Variants in MAP4K5 observed in about 807,000 individuals in gnomAD.
MAP4K5 encodes the protein mitogen-activated protein kinase kinase kinase kinase 5.
In MAP4K5, 82 loss-of-function variants were observed where a neutral mutation model predicts 135.6. The observed-to-expected ratio is 0.60, with a 90% CI of 0.51 to 0.73. The LOEUF is 0.73. MAP4K5 is among the 30% of genes least tolerant of loss of function. MAP4K5 has a pLI of 0.00. For missense variants in MAP4K5, 907 were observed against 1,010.9 expected, an observed-to-expected ratio of 0.90 and a Z score of 1.39; for synonymous variants, 347 against 335.0, an observed-to-expected ratio of 1.04 and a Z score of -0.39.
chr14:50,540,028 A>G (rs1214930358), intron 2 of MAP4K5, among the ~76,000 whole-genome samples: 2 of 152,112 alleles, frequency 1.3e-5, no homozygotes, highest in Non-Finnish European at 2.9e-5. Context: ...GAGGGAGAAC[A>G]GATATCCTCG....
intron 9 of MAP4K5, among the ~76,000 whole-genome samples, chr14:50,470,249 A>G (rs1006239589): frequency 6.6e-6 from 1 of 152,174 alleles, no homozygotes; most frequent in African/African-American, 2.4e-5. Context: ...CCATAGGTAT[A>G]GAAAGGTAGA....
chr14:50,445,155 C>T lies in MAP4K5; in HGVS notation c.1225G>A (p.Glu409Lys), dbSNP rs752935032. The change falls in exon 18 of 33, where the codon GAA becomes AAA. Residue 409 changes from glutamate to lysine, a missense_variant. Physicochemically the swap from Glu to Lys is moderately conservative, Grantham distance 56. Around this residue, in one of 3 missense-constraint regions of MAP4K5, gnomAD observed 690 missense variants for 777.4 expected, o/e 0.89. Coordinates refer to ENST00000682126, the MANE Select transcript of MAP4K5 (RefSeq NM_006575.6). ...SSYPEDNFPD[E>K]EKASTIKHCP... ...TGTTTTATGGTTGATGCTTTTTCTT[C>T]ATCCGGAAAGTTGTCTTCAGGGTAA... 68 of 1,613,370 alleles carry T rather than the reference C, an allele frequency of 4.2e-5. No individual in the cohort carries two copies. The highest frequency in any genetic ancestry group is 5.8e-5 in the Non-Finnish European group (68 of 1,179,620).
At chr14:50,451,258 GA>G (rs373881312) in intron 14 of MAP4K5, among the ~76,000 whole-genome samples, 68 of 146,828 alleles carry the variant, frequency 4.6e-4, no homozygotes, top group South Asian at 3.5e-3. Context: ...GTACAGTGAA[GA>G]AAAAAAAAAA....
Position 50,445,140 on chromosome 14 carries a change from T to C in MAP4K5, c.1240A>G (p.Thr414Ala). 2 of 1,613,654 alleles carry C rather than the reference T, an allele frequency of 1.2e-6. No homozygotes were observed. Among genetic ancestry groups the C allele is most frequent in the Non-Finnish European group, 1.7e-6 (2 of 1,179,698 alleles). Reference protein sequence around the residue: ...DNFPDEEKASTIKHCPDSESR... With the variant: ...DNFPDEEKASAIKHCPDSESR... ...TCTGAATCAGGACAATGTTTTATGG[T>C]TGATGCTTTTTCTTCATCCGGAAAG... Residue 414 changes from threonine (T) to alanine (A), a missense_variant, in exon 18 of 33, where the codon ACC becomes GCC. Thr to Ala is a moderately conservative substitution (Grantham distance 58, BLOSUM62 0). Around this residue, in one of 3 missense-constraint regions of MAP4K5, gnomAD observed 690 missense variants for 777.4 expected, o/e 0.89. Transcript: ENST00000682126.
intron 14 of MAP4K5, chr14:50,450,109 T>G (rs1195101668): frequency 6.6e-6 from 1 of 152,174 alleles, no homozygotes; most frequent in Non-Finnish European, 1.5e-5. Context: ...GCCTGGCTAA[T>G]TCTTCCATTT....
chr14:50,487,805 G>A (rs369533065), intron 3 of MAP4K5, among the ~76,000 whole-genome samples: 7 of 152,066 alleles, frequency 4.6e-5, no homozygotes, highest in South Asian at 2.1e-4. Flanking sequence ...GTGTTCACTC[G>A]CGGGCACCAG....
At chr14:50,495,760 C>T (rs2037578242) in intron 3 of MAP4K5, among the ~76,000 whole-genome samples, 1 of 152,120 alleles carries the variant, frequency 6.6e-6, no homozygotes, top group Non-Finnish European at 1.5e-5. Context: ...TATGCTATAA[C>T]ATAGATGAAC....
At chr14:50,530,055 G>C (rs928755821) in intron 2 of MAP4K5, among the ~76,000 whole-genome samples, 4 of 152,210 alleles carry the variant, frequency 2.6e-5, no homozygotes, top group African/African-American at 7.2e-5. Flanking sequence ...AACGCCTTAA[G>C]GATGTTTAGA....
rs911920972 is a variant in MAP4K5 at position 50,445,633 on chromosome 14, G to A, written c.1186-439C>T. ...CACCCAGGCTGGAGTGCAGTGGCAC[G>A]ATCTCAGCTCACTGCAACCTCCACC... is the stretch of plus-strand genomic sequence containing the variant. On this transcript the variant is annotated intron_variant, in intron 17 of 32. Transcript: ENST00000682126. Among the ~76,000 whole-genome samples, 27 of 152,124 alleles carry A rather than the reference G, an allele frequency of 1.8e-4. No homozygotes were observed. The South Asian group carries it at 1.9e-3, about 11-fold the overall frequency.
intron 6 of MAP4K5, among the ~76,000 whole-genome samples, chr14:50,482,139 G>T (rs1354413172): frequency 6.6e-6 from 1 of 151,982 alleles, no homozygotes; most frequent in Admixed American, 6.6e-5. Flanking sequence ...TGTATATGTC[G>T]GCATCAGCTT....
At chr14:50,542,620 C>T (rs912860585) in intron 1 of MAP4K5, 2 of 152,146 alleles carry the variant, frequency 1.3e-5, no homozygotes, top group African/African-American at 4.8e-5. Context: ...GAACAAATGT[C>T]CATTGGACCT....
rs139865147 is a variant in MAP4K5, at chr14:50,476,355, T to C, written c.379-49A>G. The stretch of plus-strand genomic sequence containing the variant: ...AAGAATGTATCAGCAAAACTGTAAA[T>C]GTGACTCCTAAATTTTCTACTTAAA... On this transcript the variant is annotated intron_variant, in intron 6 of 32. Coordinates refer to ENST00000682126, the MANE Select transcript of MAP4K5 (RefSeq NM_006575.6). 583 of 923,352 alleles carry C rather than the reference T, an allele frequency of 6.3e-4. 1 individual carries two copies. In the African/African-American group the frequency reaches 8.9e-3, roughly 14 times the overall value. 57.2% of individuals were successfully genotyped at this position (923,352 alleles called of 1,614,324 possible). A position where few individuals can be genotyped will look rare whatever the true frequency, so the allele number is the denominator to read the frequency against.
chr14:50,558,676 C>T (rs998988113), intron 1 of MAP4K5, among the ~76,000 whole-genome samples: 1 of 152,048 alleles, frequency 6.6e-6, no homozygotes, highest in Non-Finnish European at 1.5e-5. Context: ...CTATTGTACT[C>T]TTAAAAATGG....
intron 2 of MAP4K5, among the ~76,000 whole-genome samples, chr14:50,540,819 C>T (rs2038551695): frequency 6.6e-6 from 1 of 152,194 alleles, no homozygotes; most frequent in Admixed American, 6.5e-5. Context: ...TAGCTAACTT[C>T]TTACCCATGC....
chr14:50,475,733 A>C (rs2037082172), intron 8 of MAP4K5, among the ~76,000 whole-genome samples: 1 of 152,190 alleles, frequency 6.6e-6, no homozygotes, highest in African/African-American at 2.4e-5. Context: ...AACACACAGA[A>C]ACACGTGGTT....
intron 2 of MAP4K5, among the ~76,000 whole-genome samples, chr14:50,515,198 A>G (rs1404983475): frequency 3.9e-5 from 6 of 152,088 alleles, no homozygotes; most frequent in South Asian, 2.1e-4. Context: ...CATTGTGCCT[A>G]GCCAGTCATC....
chr14:50,471,584 G>A (rs769170313), intron 9 of MAP4K5, among the ~76,000 whole-genome samples: 4 of 152,050 alleles, frequency 2.6e-5, no homozygotes, highest in Non-Finnish European at 5.9e-5. Flanking sequence ...CCTCATAAAT[G>A]TAAGAAATGT....
Position 50,419,931 on chromosome 14 carries a change from T to A in MAP4K5, c.*88A>T. The A allele has an allele frequency of 1.1e-6, 1 of 891,360 alleles. No individual in the cohort carries two copies. Among genetic ancestry groups the A allele is most frequent in the Non-Finnish European group, 1.8e-6 (1 of 547,068 alleles). 55.2% of individuals were successfully genotyped at this position (891,360 alleles called of 1,614,324 possible). A position where few individuals can be genotyped will look rare whatever the true frequency, so the allele number is the denominator to read the frequency against. On this transcript the variant is annotated 3_prime_UTR_variant, in exon 33 of 33. Transcript: ENST00000682126. ...TATAACCCATAATAGTTAAAGCAAATCATAGTGCAGTTTGTATTGAATTTC... is the reference window on the plus strand; with the variant it reads ...TATAACCCATAATAGTTAAAGCAAAACATAGTGCAGTTTGTATTGAATTTC...
chr14:50,490,180 C>G (rs1409901210), intron 3 of MAP4K5, among the ~76,000 whole-genome samples: 1 of 123,550 alleles, frequency 8.1e-6, no homozygotes. Flanking sequence ...CAGCCTGATA[C>G]TCTTAGAAAA....
Sources: gnomAD v4.1 joint callset for allele counts (sites outside exome capture counted in the v4.1 genomes callset) on GRCh38, gnomAD v4.1.1 for gene constraint, gnomAD v4.1.1 regional missense constraint, MANE v1.5 for transcripts, NCBI Gene and HGNC (gene_info 2026-07-23, HGNC 2026-07-21) for gene names.